The following HYDIN variants were observed in gnomAD, a reference collection of about 807,000 sequenced individuals.
HYDIN encodes the protein HYDIN axonemal central pair apparatus protein.
A neutral mutation model predicts 403.9 loss-of-function variants in HYDIN; 132 were observed. The observed-to-expected ratio is 0.33, with a 90% CI of 0.28 to 0.38. The LOEUF (loss-of-function observed/expected upper bound fraction) is 0.38, where lower values mean the gene tolerates loss of function less well. Among genes scored for constraint, HYDIN ranks in the 10% least tolerant of loss-of-function variants. The probability of loss-of-function intolerance (pLI) is 1.00; values close to 1 mark genes in which losing one functional copy is unlikely to be tolerated. For synonymous variants in HYDIN, 1,202 were observed against 1,891.7 expected (o/e 0.64, Z 9.46); for missense variants, 2,827 against 5,009.5 (o/e 0.56, Z 13.15).
chr16:71,120,579 T>C (rs1826377343), intron 9 of HYDIN, among the ~76,000 whole-genome samples: 1 of 151,234 alleles, frequency 6.6e-6, no homozygotes, highest in South Asian at 2.1e-4. Flanking sequence ...TTAAAAATTA[T>C]ATCAGCAATA....
intron 1 of HYDIN, among the ~76,000 whole-genome samples, chr16:71,210,383 TTATGCTCAGCAAAC>T (rs1174348441): frequency 3.3e-5 from 5 of 152,168 alleles, no homozygotes; most frequent in Non-Finnish European, 5.9e-5. Flanking sequence ...CGTTAGACCA[TTATGCTCAGCAAAC>T]TAACACAGGA....
At chr16:70,877,072 T>C (rs944467610) in intron 62 of HYDIN, among the ~76,000 whole-genome samples, 3 of 150,756 alleles carry the variant, frequency 2.0e-5, no homozygotes, top group East Asian at 1.9e-4. Context: ...AAGGACTTAA[T>C]GGAAACTTTA....
rs2077573241 is a variant in HYDIN, at chr16:70,938,662, A to C, written c.6947T>G (p.Leu2316Arg). The C allele has an allele frequency of 3.1e-6, 5 of 1,610,274 alleles. No individual in the cohort carries two copies. In the East Asian group the frequency reaches 1.1e-4, roughly 36 times the overall value. ...EYDALTEEEKLTFDRGIQQAL... is the reference protein window; with the variant it reads ...EYDALTEEEKRTFDRGIQQAL... Reference sequence around the variant, plus strand: ...CTGCTGAATCCCCCGATCGAATGTGAGTTTCTCCTCCTCAGTCAGGGCATC... The same window carrying C: ...CTGCTGAATCCCCCGATCGAATGTGCGTTTCTCCTCCTCAGTCAGGGCATC... The change falls in exon 44 of 86, where the codon CTC (leucine) becomes CGC (arginine). Residue 2316 changes from leucine (L) to arginine (R), a missense_variant. By Grantham distance (102) the Leu-to-Arg change is moderately radical. Transcript: ENST00000393567.
intron 14 of HYDIN, among the ~76,000 whole-genome samples, chr16:71,068,740 G>A (rs2082357931): frequency 6.6e-6 from 1 of 152,200 alleles, no homozygotes; most frequent in Non-Finnish European, 1.5e-5. Context: ...TATTCCTCAG[G>A]ATGAGGAAGC....
chr16:71,039,716 C>G (rs1463615257), intron 18 of HYDIN, among the ~76,000 whole-genome samples: 1 of 152,228 alleles, frequency 6.6e-6, no homozygotes, highest in Middle Eastern at 3.2e-3. Flanking sequence ...TTTTCAGATC[C>G]CTTTCCCCCT....
intron 47 of HYDIN, among the ~76,000 whole-genome samples, chr16:70,913,078 C>A (rs2076737929): frequency 6.6e-6 from 1 of 151,956 alleles, no homozygotes; most frequent in South Asian, 2.1e-4. Context: ...CTTCAAAGAA[C>A]CAGCTTTTTG....
rs1163763935 is a variant in HYDIN at position 70,991,304 on chromosome 16, A to G, written c.3864+14T>C. The G allele has an allele frequency of 1.2e-6, 2 of 1,613,830 alleles. No homozygotes were observed. Among genetic ancestry groups the G allele is most frequent in the African/African-American group, 1.3e-5 (1 of 75,032 alleles). The stretch of plus-strand genomic sequence containing the variant: ...CTTGACCTGCCTACCCTCCCCATGG[A>G]AAGGACACCGTACATCTGAGATCAC... On this transcript the variant is annotated intron_variant, in intron 25 of 85. Coordinates refer to ENST00000393567, the MANE Select transcript of HYDIN (RefSeq NM_001270974.2).
chr16:71,067,980 C>T (rs1039713167), intron 14 of HYDIN, among the ~76,000 whole-genome samples: 13 of 151,938 alleles, frequency 8.6e-5, no homozygotes, highest in Admixed American at 1.3e-4. Context: ...GATTTCAGAA[C>T]TCATTGGTAC....
intron 35 of HYDIN, among the ~76,000 whole-genome samples, chr16:70,971,402 A>G (rs2078728887): frequency 6.6e-6 from 1 of 152,166 alleles, no homozygotes; most frequent in Admixed American, 6.5e-5. Flanking sequence ...GTTTTCTCAA[A>G]ATGGTACCCA....
intron 19 of HYDIN, among the ~76,000 whole-genome samples, chr16:71,029,147 A>G (rs1222759770): frequency 1.3e-5 from 2 of 152,334 alleles, no homozygotes; most frequent in African/African-American, 2.4e-5. Context: ...TTAAAGGGCT[A>G]AACAACAAAT....
chr16:71,022,367 C>T (rs2080528632), intron 21 of HYDIN, among the ~76,000 whole-genome samples: 1 of 152,156 alleles, frequency 6.6e-6, no homozygotes, highest in Non-Finnish European at 1.5e-5. Context: ...AGAAAAGTGG[C>T]TGCTAGTTTC....
At chr16:71,054,006 G>A (rs903384977) in intron 18 of HYDIN, among the ~76,000 whole-genome samples, 3 of 152,202 alleles carry the variant, frequency 2.0e-5, no homozygotes, top group Non-Finnish European at 2.9e-5. Flanking sequence ...TGCAACCTTG[G>A]CCAGTTCTCT....
rs1019246015 is a variant in HYDIN, at chr16:70,823,989, T to C, written c.14427+3272A>G. Among the ~76,000 whole-genome samples the C allele has an allele frequency of 3.3e-5, 5 of 149,954 alleles. No individual in the cohort carries two copies. The East Asian group carries it at 7.8e-4, about 24-fold the overall frequency. On this transcript the variant is annotated intron_variant, in intron 83 of 85. Transcript: ENST00000393567. ...ATGAGTTTTCCTTCCTTTTCGAGGA[T>C]TGCAGTATTGTGCTGCCTGTTGTCC...
intron 7 of HYDIN, among the ~76,000 whole-genome samples, chr16:71,139,193 G>A (rs1446685734): frequency 6.6e-6 from 1 of 151,638 alleles, no homozygotes; most frequent in African/African-American, 2.4e-5. Flanking sequence ...TGCTGGAATT[G>A]CCTATGTCTT....
intron 5 of HYDIN, among the ~76,000 whole-genome samples, chr16:71,168,150 TCTACTAAAAATACAAAAAATTA>T (rs2086310740): frequency 6.6e-6 from 1 of 150,620 alleles, no homozygotes; most frequent in African/African-American, 2.4e-5. Flanking sequence ...AAACCCCATC[TCTACTAAAAATACAAAAAATTA>T]GTTGGGCGTG....
chr16:70,886,704 A>G (rs1364888715), intron 58 of HYDIN, among the ~76,000 whole-genome samples: 1 of 152,216 alleles, frequency 6.6e-6, no homozygotes, highest in African/African-American at 2.4e-5. Context: ...CTGGGTCCAC[A>G]GTTATTGGTT....
intron 53 of HYDIN, among the ~76,000 whole-genome samples, chr16:70,896,326 G>A (rs1322302062): frequency 1.3e-5 from 2 of 151,748 alleles, no homozygotes; most frequent in East Asian, 3.9e-4. Context: ...CATTACTGAA[G>A]TTTGGGCTTG....
At chr16:71,051,802 G>C (rs1597649226) in intron 18 of HYDIN, among the ~76,000 whole-genome samples, 1 of 152,134 alleles carries the variant, frequency 6.6e-6, no homozygotes, top group African/African-American at 2.4e-5. Flanking sequence ...AAAGAATTAA[G>C]GATTGAAAAG....
chr16:70,830,983 G>C (rs895448569), intron 80 of HYDIN, among the ~76,000 whole-genome samples: 2 of 151,486 alleles, frequency 1.3e-5, no homozygotes, highest in Non-Finnish European at 2.9e-5. Flanking sequence ...TTGTTTTGTA[G>C]AGATAGGGTC....
Sources: allele counts gnomAD v4.1 joint callset (sites outside exome capture counted in the v4.1 genomes callset), GRCh38; gene constraint gnomAD v4.1.1; transcripts MANE v1.5; gene names NCBI Gene and HGNC (gene_info 2026-07-23, HGNC 2026-07-21).